The following PCDH15 variants were observed in gnomAD, a reference collection of about 807,000 sequenced individuals.
PCDH15 encodes the protein protocadherin-15.
A neutral mutation model predicts 178.5 loss-of-function variants in PCDH15; 129 were observed. That is an observed-to-expected ratio of 0.72 (90% CI 0.63 to 0.84). The LOEUF (loss-of-function observed/expected upper bound fraction) is 0.84. Among genes scored for constraint, PCDH15 ranks in the 40% least tolerant of loss-of-function variants. PCDH15 has a pLI of 0.00. For missense variants in PCDH15, 2,230 were observed against 2,099.9 expected (o/e 1.06, Z -1.21); for synonymous variants, 800 against 732.0 (o/e 1.09, Z -1.50).
intron 3 of PCDH15, among the ~76,000 whole-genome samples, chr10:54,441,769 T>C (rs966288290): frequency 1.3e-5 from 2 of 151,838 alleles, no homozygotes; most frequent in African/African-American, 2.4e-5. Flanking sequence ...TGAGGAAACA[T>C]AGCTTCTGGC....
intron 14 of PCDH15, among the ~76,000 whole-genome samples, chr10:54,149,900 A>T (rs1443211507): frequency 6.6e-6 from 1 of 152,156 alleles, no homozygotes; most frequent in East Asian, 1.9e-4. Flanking sequence ...TTAGAGTAGA[A>T]CACAGAGGAG....
chr10:55,036,171 T>A (rs1591849509), intron 2 of PCDH15, among the ~76,000 whole-genome samples: 1 of 152,182 alleles, frequency 6.6e-6, no homozygotes, highest in African/African-American at 2.4e-5. Flanking sequence ...TATCACCATT[T>A]CTTTTCCTTT....
At chr10:55,088,454 A>T (rs761928500) in intron 2 of PCDH15, among the ~76,000 whole-genome samples, 1 of 151,816 alleles carries the variant, frequency 6.6e-6, no homozygotes, top group East Asian at 1.9e-4. Flanking sequence ...TATTTTTTTT[A>T]GTAAAGATGT....
intron 2 of PCDH15, among the ~76,000 whole-genome samples, chr10:55,372,329 T>C (rs1845526200): frequency 6.6e-6 from 1 of 152,238 alleles, no homozygotes; most frequent in East Asian, 1.9e-4. Context: ...GCAGGCACCA[T>C]GCTAAGAACT....
chr10:53,896,053 C>T (rs961559048), intron 26 of PCDH15, among the ~76,000 whole-genome samples: 1 of 152,048 alleles, frequency 6.6e-6, no homozygotes, highest in Admixed American at 6.5e-5. Flanking sequence ...ATAATTGCAT[C>T]TACTGCATAA....
chr10:54,372,504 T>G (rs558434636), intron 4 of PCDH15, among the ~76,000 whole-genome samples: 67 of 151,826 alleles, frequency 4.4e-4, no homozygotes, highest in Non-Finnish European at 9.1e-4. Flanking sequence ...TAACACACAA[T>G]GTAATTTTGT....
Position 54,090,049 on chromosome 10 carries a change from C to T in PCDH15, c.1932G>A (p.Glu644=). 1 of 1,611,518 alleles carries T rather than the reference C, an allele frequency of 6.2e-7. No homozygotes were observed. Among genetic ancestry groups the T allele is most frequent in the Non-Finnish European group, 8.5e-7 (1 of 1,178,130 alleles). ...CAATGGCATATGTTATTGAGTCTCC[C>T]TCTCGATCAGTTGCCTTCAGAGAGA... is the stretch of plus-strand genomic sequence containing the variant. ...VLLNLQATDR[E]GDSITYAIEN... is the part of the protein sequence containing the mutation. Residue 644 remains glutamate, a synonymous_variant, in exon 16 of 38, where the codon GAG becomes GAA. Transcript: ENST00000644397.
intron 2 of PCDH15, among the ~76,000 whole-genome samples, chr10:55,030,277 T>A (rs1347045180): frequency 6.6e-6 from 1 of 152,154 alleles, no homozygotes; most frequent in Non-Finnish European, 1.5e-5. Flanking sequence ...ATGTGTGGGA[T>A]CTTAACACAT....
At chr10:55,316,477 A>T (rs964618078) in intron 1 of PCDH15, among the ~76,000 whole-genome samples, 1 of 152,162 alleles carries the variant, frequency 6.6e-6, no homozygotes, top group East Asian at 1.9e-4. Context: ...TTTTAATATC[A>T]GTTGCAGGAT....
chr10:54,757,280 T>TAAAAA lies in PCDH15; in HGVS notation c.-29+43644_-29+43645insTTTTT, dbSNP rs1158823185. On this transcript the variant is annotated intron_variant, in intron 1 of 37. Transcript: ENST00000644397. ...TTGGCTTGCTCAGAATTCTACCTTT[T>TAAAAA]TTTTTTTTTTTTTTTTTTTTGAGAC... Among the ~76,000 whole-genome samples the TAAAAA allele has an allele frequency of 3.7e-4, 22 of 59,858 alleles. 3 individuals are homozygous for TAAAAA. Among genetic ancestry groups the TAAAAA allele is most frequent in the Non-Finnish European group, 5.2e-4 (15 of 28,610 alleles). 39.3% of individuals were successfully genotyped at this position (59,858 alleles called of 152,430 possible). A position where few individuals can be genotyped will look rare whatever the true frequency, so the allele number is the denominator to read the frequency against.
chr10:54,623,123 A>C (rs529089596), intron 2 of PCDH15, among the ~76,000 whole-genome samples: 1 of 151,990 alleles, frequency 6.6e-6, no homozygotes, highest in Admixed American at 6.6e-5. Context: ...CCATTTGTCT[A>C]TTCAAGGTAG....
chr10:55,246,484 T>G (rs1456560837), intron 1 of PCDH15, among the ~76,000 whole-genome samples: 4 of 152,210 alleles, frequency 2.6e-5, no homozygotes, highest in African/African-American at 9.6e-5. Flanking sequence ...ATGAATAATA[T>G]AACAACAAAG....
At chr10:54,640,885 C>T (rs1220813801) in intron 2 of PCDH15, among the ~76,000 whole-genome samples, 2 of 152,118 alleles carry the variant, frequency 1.3e-5, no homozygotes, top group Admixed American at 1.3e-4. Context: ...AGGTGGATCA[C>T]TTGAGGTCAG....
intron 9 of PCDH15, among the ~76,000 whole-genome samples, chr10:54,223,639 C>T (rs2053135786): frequency 1.3e-5 from 2 of 151,098 alleles, no homozygotes; most frequent in Admixed American, 1.3e-4. Flanking sequence ...TTCTGATTCC[C>T]TACATATAGT....
intron 2 of PCDH15, among the ~76,000 whole-genome samples, chr10:55,497,031 T>C (rs1016049627): frequency 5.9e-5 from 9 of 151,860 alleles, no homozygotes; most frequent in African/African-American, 2.2e-4. Flanking sequence ...AATGGGAAAG[T>C]GTTCTGTAGA....
At chr10:54,877,936 C>CTTTTTTTTTTTTTTTTTTTTTTTTT (rs1954176789) in intron 3 of PCDH15, among the ~76,000 whole-genome samples, 1 of 104,352 alleles carries the variant, frequency 9.6e-6, no homozygotes. Context: ...CTCTCTCTCT[C>CTTTTTTTTTTTTTTTTTTTTTTTTT]TCTTTTTTTT....
At chr10:55,378,882 TC>T (rs1837462214) in intron 2 of PCDH15, among the ~76,000 whole-genome samples, 6 of 113,592 alleles carry the variant, frequency 5.3e-5, no homozygotes, top group African/African-American at 1.8e-4. Context: ...TCCCCATCTC[TC>T]TCTCTCTCTC....
At chr10:54,651,572 C>T (rs989136210) in intron 2 of PCDH15, among the ~76,000 whole-genome samples, 1 of 152,136 alleles carries the variant, frequency 6.6e-6, no homozygotes. Context: ...TTTCATGGTG[C>T]ACATCTATCA....
intron 1 of PCDH15, among the ~76,000 whole-genome samples, chr10:55,309,571 C>T (rs1248520341): frequency 6.6e-6 from 1 of 151,614 alleles, no homozygotes; most frequent in Non-Finnish European, 1.5e-5. Context: ...TGTGCTTTTG[C>T]TGAACCTAAT....
Sources: allele counts gnomAD v4.1 joint callset (sites outside exome capture counted in the v4.1 genomes callset), GRCh38; gene constraint gnomAD v4.1.1; transcripts MANE v1.5; gene names NCBI Gene and HGNC (gene_info 2026-07-23, HGNC 2026-07-21).